Variants in DAGLA observed in about 807,000 individuals in gnomAD.
DAGLA encodes diacylglycerol lipase-alpha.
A neutral mutation model predicts 102.6 loss-of-function variants in DAGLA; 22 were observed. That is an observed-to-expected ratio of 0.21 (90% confidence interval 0.15 to 0.31). The LOEUF is 0.31. DAGLA is among the 10% of genes least tolerant of loss of function. The probability of loss-of-function intolerance (pLI) is 1.00; values close to 1 mark genes in which losing one functional copy is unlikely to be tolerated. For missense variants in DAGLA, 927 were observed against 1,446.6 expected, an observed-to-expected ratio of 0.64 and a Z score of 5.83; for synonymous variants, 578 against 628.9, an observed-to-expected ratio of 0.92 and a Z score of 1.21.
chr11:61,692,934 AAAGAC>A (rs1303333939), intron 1 of DAGLA, among the ~76,000 whole-genome samples: 1 of 152,050 alleles, frequency 6.6e-6, no homozygotes, highest in African/African-American at 2.4e-5. Context: ...GGAGGAAAAA[AAAGAC>A]TAGAAGGATG....
intron 3 of DAGLA, among the ~76,000 whole-genome samples, chr11:61,721,692 T>C (rs1299242612): frequency 6.6e-6 from 1 of 152,232 alleles, no homozygotes; most frequent in Non-Finnish European, 1.5e-5. Flanking sequence ...TGTGTCCTCT[T>C]CTTGGGCTTA....
Position 61,736,257 on chromosome 11 carries a change from C to A in DAGLA, c.1291-13C>A, listed in dbSNP as rs1443216756. On this transcript the variant is annotated splice_polypyrimidine_tract_variant and intron_variant, in intron 12 of 19. Transcript: ENST00000257215. ...CCTCCCACCAACACCTGCTTCTGTTCCTGCCCACCCAGGGTATGGTCCTCT... is the reference window on the plus strand; with the variant it reads ...CCTCCCACCAACACCTGCTTCTGTTACTGCCCACCCAGGGTATGGTCCTCT... The A allele has an allele frequency of 6.2e-7, 1 of 1,613,266 alleles. No individual in the cohort carries two copies. Among genetic ancestry groups the A allele is most frequent in the Non-Finnish European group, 8.5e-7 (1 of 1,179,222 alleles).
chr11:61,717,705 G>A (rs781128544), intron 1 of DAGLA, among the ~76,000 whole-genome samples: 2 of 152,170 alleles, frequency 1.3e-5, no homozygotes, highest in African/African-American at 2.4e-5. Flanking sequence ...GTGGTGGGCC[G>A]GCCACTGGTG....
At position 61,740,859 on chromosome 11, in the gene DAGLA, G is replaced by A. The variant is rs1323107538; in HGVS notation, c.1983+267G>A. On this transcript the variant is annotated intron_variant, in intron 18 of 19. Transcript: ENST00000257215. Reference sequence around the variant, plus strand: ...TGAGGCAGGCTCAGCTCAGAGGCCCGGAAGGCCACCTGGCCCTTAACAGAT... The same window carrying A: ...TGAGGCAGGCTCAGCTCAGAGGCCCAGAAGGCCACCTGGCCCTTAACAGAT... 5.3e-5 allele frequency among the ~76,000 whole-genome samples: 8 copies of A among 152,284 alleles called. No individual in the cohort carries two copies. In the East Asian group the frequency reaches 5.8e-4, roughly 11 times the overall value.
At chr11:61,722,790 C>T (rs914609907) in intron 3 of DAGLA, 69 bp from the exon 4 acceptor site, 33 of 1,353,084 alleles carry the variant, frequency 2.4e-5, no homozygotes, top group Middle Eastern at 1.8e-4. Flanking sequence ...AAGGCCAGGC[C>T]GGGGTTCTAG....
intron 7 of DAGLA, 145 bp downstream of exon 7, chr11:61,728,432 T>C (rs2065348921): frequency 1.0e-6 from 1 of 1,000,880 alleles, no homozygotes; most frequent in South Asian, 1.6e-5. Context: ...GGAGGTCACC[T>C]TTACCTCTGG....
chr11:61,726,799 G>A (rs1786720372), intron 6 of DAGLA, among the ~76,000 whole-genome samples: 1 of 152,226 alleles, frequency 6.6e-6, no homozygotes, highest in African/African-American at 2.4e-5. Context: ...TGCCTTCCAC[G>A]GAAGCCACCG....
At chr11:61,743,489 C>T (rs371489544) in intron 19 of DAGLA, 43 bp from the exon 20 acceptor site, 22 of 1,460,854 alleles carry the variant, frequency 1.5e-5, no homozygotes, top group Middle Eastern at 2.3e-4. Context: ...AGTCCCCTCT[C>T]CCTTCTGAGT....
intron 1 of DAGLA, among the ~76,000 whole-genome samples, chr11:61,717,733 A>G (rs963326023): frequency 7.2e-5 from 11 of 152,088 alleles, no homozygotes; most frequent in African/African-American, 2.7e-4. Context: ...GTCACTGGGT[A>G]CCCAGCAGGG....
At chr11:61,710,383 C>T (rs759194208) in intron 1 of DAGLA, among the ~76,000 whole-genome samples, 4 of 151,986 alleles carry the variant, frequency 2.6e-5, no homozygotes, top group African/African-American at 4.8e-5. Flanking sequence ...GGGCATCCTG[C>T]GTTTGAGCTG....
At chr11:61,717,013 G>T (rs1041801581) in intron 1 of DAGLA, among the ~76,000 whole-genome samples, 4 of 152,128 alleles carry the variant, frequency 2.6e-5, no homozygotes, top group Non-Finnish European at 4.4e-5. Context: ...AAGGTATGCC[G>T]TGCCTGCCCT....
intron 1 of DAGLA, among the ~76,000 whole-genome samples, chr11:61,700,679 C>T (rs2065102970): frequency 6.6e-6 from 1 of 152,208 alleles, no homozygotes. Flanking sequence ...CTTGCATTAG[C>T]CAGGCAAGGA....
chr11:61,694,041 G>C (rs2065044929), intron 1 of DAGLA, among the ~76,000 whole-genome samples: 1 of 152,256 alleles, frequency 6.6e-6, no homozygotes, highest in African/African-American at 2.4e-5. Flanking sequence ...CATAGGATAT[G>C]CTCGGAGAGT....
At chr11:61,681,015 T>G (rs886208512) in intron 1 of DAGLA, among the ~76,000 whole-genome samples, 4 of 152,078 alleles carry the variant, frequency 2.6e-5, no homozygotes, top group African/African-American at 9.7e-5. Flanking sequence ...ATTGGTGTTC[T>G]CAGCATGGCT....
chr11:61,693,017 T>G (rs2065036698), intron 1 of DAGLA, among the ~76,000 whole-genome samples: 1 of 151,306 alleles, frequency 6.6e-6, no homozygotes, highest in African/African-American at 2.4e-5. Context: ...GGTTTCTATT[T>G]TTTTTTTTTT....
intron 1 of DAGLA, among the ~76,000 whole-genome samples, chr11:61,706,423 C>G (rs1565251305): frequency 6.6e-6 from 1 of 152,152 alleles, no homozygotes; most frequent in Non-Finnish European, 1.5e-5. Flanking sequence ...TGTCGAGGTG[C>G]AAGTTGGAGG....
chr11:61,736,190 C>T (rs2065421838), intron 12 of DAGLA, 80 bp from the exon 13 acceptor site: 3 of 1,211,484 alleles, frequency 2.5e-6, no homozygotes, highest in South Asian at 1.2e-5. Flanking sequence ...GGGCAGGGTT[C>T]CTGAGCTGCA....
intron 1 of DAGLA, among the ~76,000 whole-genome samples, chr11:61,695,166 T>C (rs1222139363): frequency 3.3e-5 from 5 of 152,188 alleles, no homozygotes; most frequent in South Asian, 2.1e-4. Context: ...AATCTGGCCC[T>C]GCACAAGGTG....
intron 3 of DAGLA, among the ~76,000 whole-genome samples, chr11:61,722,509 C>T (rs1022087498): frequency 6.6e-6 from 1 of 152,150 alleles, no homozygotes; most frequent in African/African-American, 2.4e-5. Flanking sequence ...TCTCTTGAAC[C>T]CAGGAGGCAG....
Sources: allele counts gnomAD v4.1 joint callset (sites outside exome capture counted in the v4.1 genomes callset), GRCh38; gene constraint gnomAD v4.1.1; transcripts MANE v1.5; gene names NCBI Gene and HGNC (gene_info 2026-07-23, HGNC 2026-07-21).